The following STX8 variants were observed in gnomAD, a reference collection of about 807,000 sequenced individuals.
The protein encoded by STX8 is syntaxin-8.
In STX8, 23 loss-of-function variants were observed where a neutral mutation model predicts 37.5. That is an observed-to-expected ratio of 0.61 (90% CI 0.44 to 0.87). STX8 has a LOEUF of 0.87. STX8 is among the 40% of genes least tolerant of loss of function. The probability of loss-of-function intolerance (pLI) is 0.00; values close to 1 mark genes in which losing one functional copy is unlikely to be tolerated. For missense variants in STX8, 313 were observed against 284.7 expected (o/e 1.10, Z -0.71); for synonymous variants, 115 against 99.1 (o/e 1.16, Z -0.95).
At chr17:9,560,397 C>CAAAAAA (rs36044353) in intron 2 of STX8, among the ~76,000 whole-genome samples, 2 of 93,366 alleles carry the variant, frequency 2.1e-5, no homozygotes, top group Admixed American at 1.3e-4. Flanking sequence ...GACTCCATCT[C>CAAAAAA]AAAAAAAAAA....
intron 6 of STX8, among the ~76,000 whole-genome samples, chr17:9,444,904 C>T (rs893351374): frequency 6.6e-6 from 1 of 152,164 alleles, no homozygotes; most frequent in Non-Finnish European, 1.5e-5. Context: ...AGGGGTCCAG[C>T]TCATTTGTAG....
At chr17:9,567,749 C>G (rs957413640) in intron 2 of STX8, among the ~76,000 whole-genome samples, 3 of 152,286 alleles carry the variant, frequency 2.0e-5, no homozygotes, top group African/African-American at 4.8e-5. Context: ...TGCAGTGGCA[C>G]GATCTTAGCT....
chr17:9,448,992 A>T (rs1597679262), intron 6 of STX8, among the ~76,000 whole-genome samples: 1 of 152,212 alleles, frequency 6.6e-6, no homozygotes, highest in East Asian at 1.9e-4. Flanking sequence ...TTCTAAAATG[A>T]CAATACCAAG....
chr17:9,521,958 A>G (rs1029155832), intron 4 of STX8, among the ~76,000 whole-genome samples: 22 of 152,218 alleles, frequency 1.4e-4, no homozygotes, highest in African/African-American at 5.1e-4. Context: ...ATTTACCAAT[A>G]AAAAGTTTTA....
At chr17:9,305,736 A>ACCTTTTTT (rs1908960419) in intron 7 of STX8, 2 of 114,856 alleles carry the variant, frequency 1.7e-5, no homozygotes, top group African/African-American at 9.6e-5. Flanking sequence ...ATACAGGTGC[A>ACCTTTTTT]TCTTTTTTTT....
intron 7 of STX8, among the ~76,000 whole-genome samples, chr17:9,269,780 A>T (rs971505257): frequency 2.6e-5 from 4 of 152,108 alleles, no homozygotes; most frequent in African/African-American, 4.8e-5. Flanking sequence ...ACACTCTCTC[A>T]CACCTCTGTG....
intron 3 of STX8, among the ~76,000 whole-genome samples, chr17:9,550,300 T>C (rs1411420768): frequency 6.6e-6 from 1 of 150,514 alleles, no homozygotes; most frequent in Non-Finnish European, 1.5e-5. Flanking sequence ...ACCTGGTGAA[T>C]AGCCAAGGAA....
chr17:9,306,038 T>C (rs1908973237), intron 7 of STX8, among the ~76,000 whole-genome samples: 1 of 152,140 alleles, frequency 6.6e-6, no homozygotes, highest in Non-Finnish European at 1.5e-5. Flanking sequence ...CCACTGTGCC[T>C]GGCCACAGGT....
At chr17:9,293,830 T>C (rs1003686077) in intron 7 of STX8, among the ~76,000 whole-genome samples, 7 of 151,898 alleles carry the variant, frequency 4.6e-5, no homozygotes, top group East Asian at 1.9e-4. Context: ...GGCACGATCT[T>C]GGCTCACTGC....
At chr17:9,353,494 A>G (rs1253238771) in intron 7 of STX8, among the ~76,000 whole-genome samples, 1 of 152,238 alleles carries the variant, frequency 6.6e-6, no homozygotes, top group African/African-American at 2.4e-5. Context: ...GCAGCCCACC[A>G]TGATACTTCC....
chr17:9,311,928 A>G (rs1158537491), intron 7 of STX8, among the ~76,000 whole-genome samples: 1 of 151,468 alleles, frequency 6.6e-6, no homozygotes, highest in Non-Finnish European at 1.5e-5. Flanking sequence ...GCTCACTGCA[A>G]CCTCCCCATC....
intron 7 of STX8, among the ~76,000 whole-genome samples, chr17:9,269,391 T>C (rs985742041): frequency 2.6e-5 from 4 of 152,128 alleles, no homozygotes; most frequent in African/African-American, 9.7e-5. Context: ...AGAGGCAGAT[T>C]GATGGCCACA....
intron 6 of STX8, among the ~76,000 whole-genome samples, chr17:9,402,726 T>C (rs374403170): frequency 6.2e-4 from 62 of 100,612 alleles, no homozygotes; most frequent in Middle Eastern, 4.3e-3. Flanking sequence ...ACTAACTGGC[T>C]GAACTCTAAG....
intron 7 of STX8, among the ~76,000 whole-genome samples, chr17:9,351,525 T>C (rs975268455): frequency 2.0e-5 from 3 of 152,118 alleles, no homozygotes; most frequent in South Asian, 2.1e-4. Context: ...AATCATATCA[T>C]TGTTAATCTG....
chr17:9,420,720 C>T (rs1007665905), intron 6 of STX8, among the ~76,000 whole-genome samples: 1 of 152,130 alleles, frequency 6.6e-6, no homozygotes, highest in African/African-American at 2.4e-5. Flanking sequence ...GCTTGAGGCG[C>T]GATTATTACG....
chr17:9,330,381 A>T (rs1909920893), intron 7 of STX8, among the ~76,000 whole-genome samples: 1 of 152,182 alleles, frequency 6.6e-6, no homozygotes. Flanking sequence ...GATGGAATCA[A>T]GTTGGGAGTG....
chr17:9,280,409 C>A (rs542561568), intron 7 of STX8, among the ~76,000 whole-genome samples: 5 of 152,016 alleles, frequency 3.3e-5, no homozygotes, highest in South Asian at 4.1e-4. Flanking sequence ...CAAAATTAGC[C>A]GGGTGTGGTG....
chr17:9,423,807 C>T (rs932725459), intron 6 of STX8, among the ~76,000 whole-genome samples: 2 of 152,176 alleles, frequency 1.3e-5, no homozygotes, highest in African/African-American at 4.8e-5. Context: ...GAAAGCTAGA[C>T]ACTGCACCAG....
At chr17:9,528,033 G>C (rs1325491953) in intron 4 of STX8, among the ~76,000 whole-genome samples, 1 of 152,190 alleles carries the variant, frequency 6.6e-6, no homozygotes, top group East Asian at 1.9e-4. Context: ...TGACGAATTT[G>C]TCAGACACAT....
Sources: gnomAD v4.1 joint callset for allele counts (sites outside exome capture counted in the v4.1 genomes callset) on GRCh38, gnomAD v4.1.1 for gene constraint, MANE v1.5 for transcripts, NCBI Gene and HGNC (gene_info 2026-07-23, HGNC 2026-07-21) for gene names.